Variants in RAB3GAP1 observed in about 807,000 individuals in gnomAD.
RAB3GAP1 encodes RAB3 GTPase activating protein catalytic subunit 1.
In RAB3GAP1, 86 loss-of-function variants were observed where a neutral mutation model predicts 130.7. The ratio of observed to expected loss-of-function variants is 0.66; its 90% confidence interval spans 0.55 to 0.79. The LOEUF (loss-of-function observed/expected upper bound fraction) is 0.79. RAB3GAP1 is among the 30% of genes least tolerant of loss of function. RAB3GAP1 has a pLI of 0.00. For synonymous variants in RAB3GAP1, 367 were observed against 401.7 expected (o/e 0.91, Z 1.03); for missense variants, 1,029 against 1,169.4 (o/e 0.88, Z 1.75).
intron 8 of RAB3GAP1, among the ~76,000 whole-genome samples, chr2:135,122,092 C>CA (rs373058587): frequency 0.048 from 6,645 of 138,580 alleles, 488 homozygotes; most frequent in African/African-American, 0.17. Flanking sequence ...GACCCTGTCT[C>CA]AAAAAAAAAA....
intron 7 of RAB3GAP1, among the ~76,000 whole-genome samples, chr2:135,117,684 GCTTCTTCTT>G (rs1301572096): frequency 2.5e-3 from 58 of 22,746 alleles, no homozygotes; most frequent in African/African-American, 8.9e-3. Context: ...TTCTGCTTCT[GCTTCTTCTT>G]CTGCTTCTTC....
rs375273214 is a variant in RAB3GAP1, at chr2:135,057,973, G to A, written c.75-38G>A. The stretch of plus-strand genomic sequence containing the variant: ...ATTACATAATAATAGGAAAAAAGGT[G>A]TGCTGTTGTATTTAGAAGCTTTCTC... On this transcript the variant is annotated intron_variant, in intron 2 of 23. Transcript: ENST00000264158. 1.4e-5 allele frequency: 19 copies of A among 1,370,236 alleles called. No individual in the cohort carries two copies. In the Admixed American group the frequency reaches 2.0e-4, roughly 15 times the overall value. 84.9% of individuals were successfully genotyped at this position (1,370,236 alleles called of 1,614,324 possible).
intron 3 of RAB3GAP1, among the ~76,000 whole-genome samples, chr2:135,090,250 T>C (rs1348068585): frequency 6.6e-6 from 1 of 152,188 alleles, no homozygotes; most frequent in African/African-American, 2.4e-5. Flanking sequence ...TATATAAAAA[T>C]TCAGATGTTT....
At position 135,156,965 on chromosome 2, in the gene RAB3GAP1, A is replaced by T. The variant is rs372808079; in HGVS notation, c.2289+3089A>T. Among the ~76,000 whole-genome samples, 14 of 152,332 alleles carry T rather than the reference A, an allele frequency of 9.2e-5. No homozygotes were observed. In the South Asian group the frequency reaches 2.1e-3, roughly 23 times the overall value. ...TCAGTAGCATTCATATACACTAATAACCATTTAGAAGATCTAAATATAATT... is the reference window on the plus strand; with the variant it reads ...TCAGTAGCATTCATATACACTAATATCCATTTAGAAGATCTAAATATAATT... On this transcript the variant is annotated intron_variant, in intron 19 of 23. Transcript: ENST00000264158.
At chr2:135,072,666 C>G (rs1405326273) in intron 3 of RAB3GAP1, among the ~76,000 whole-genome samples, 1 of 152,078 alleles carries the variant, frequency 6.6e-6, no homozygotes, top group Non-Finnish European at 1.5e-5. Context: ...CTGAACATCC[C>G]TTATTTTTAA....
intron 18 of RAB3GAP1, among the ~76,000 whole-genome samples, chr2:135,151,530 T>C (rs1223412925): frequency 6.6e-6 from 1 of 152,242 alleles, no homozygotes; most frequent in Non-Finnish European, 1.5e-5. Flanking sequence ...TTACCCATCT[T>C]TTCTAAATGA....
Position 135,115,263 on chromosome 2 carries a change from A to G in RAB3GAP1, c.530A>G (p.Tyr177Cys), listed in dbSNP as rs774928954. The change falls in exon 7 of 24, where the codon TAT becomes TGT. Residue 177 changes from tyrosine (Y) to cysteine (C), a missense_variant. Transcript: ENST00000264158. ...ATTCACCACAAATGGCGAAGAATGT[A>G]TGTAGGAGAATGTCAAGGTCCTGGT... Reference protein sequence around the residue: ...VQIHHKWRRMYVGECQGPGVR... With the variant: ...VQIHHKWRRMCVGECQGPGVR... The G allele has an allele frequency of 2.5e-6, 4 of 1,613,074 alleles. No individual in the cohort carries two copies. Among genetic ancestry groups the G allele is most frequent in the African/African-American group, 2.7e-5 (2 of 75,024 alleles).
intron 5 of RAB3GAP1, among the ~76,000 whole-genome samples, chr2:135,098,567 C>G (rs967471271): frequency 6.6e-6 from 1 of 152,090 alleles, no homozygotes; most frequent in African/African-American, 2.4e-5. Context: ...GTGAAAGCAG[C>G]TGTTTATGGA....
At chr2:135,053,002 A>AT (rs1024897871) in intron 2 of RAB3GAP1, among the ~76,000 whole-genome samples, 3 of 152,016 alleles carry the variant, frequency 2.0e-5, no homozygotes, top group Admixed American at 2.0e-4. Flanking sequence ...ATTTTTATTT[A>AT]TTTTTGGAGA....
intron 19 of RAB3GAP1, among the ~76,000 whole-genome samples, chr2:135,154,553 T>C (rs368792526): frequency 6.6e-6 from 1 of 152,190 alleles, no homozygotes; most frequent in African/African-American, 2.4e-5. Context: ...GAGCTCCCAC[T>C]GCTCTCAGTC....
intron 3 of RAB3GAP1, among the ~76,000 whole-genome samples, chr2:135,081,327 A>AAAAAAAATATAT (rs1363481112): frequency 3.1e-5 from 2 of 64,070 alleles, no homozygotes; most frequent in Non-Finnish European, 4.7e-5. Flanking sequence ...AAAAAAAAAA[A>AAAAAAAATATAT]ATATATATAT....
rs773778832 is a variant in RAB3GAP1, at chr2:135,091,181, G to A, written c.283+51G>A. 89 of 1,479,046 alleles carry A rather than the reference G, an allele frequency of 6.0e-5. No individual in the cohort carries two copies. The Admixed American group carries it at 1.5e-3, about 25-fold the overall frequency. 91.6% of individuals were successfully genotyped at this position (1,479,046 alleles called of 1,614,324 possible). A position where few individuals can be genotyped will look rare whatever the true frequency, so the allele number is the denominator to read the frequency against. On this transcript the variant is annotated intron_variant, in intron 4 of 23. Transcript: ENST00000264158. The stretch of plus-strand genomic sequence containing the variant: ...TAACTTCTGATTTGTAGGAGTGGCT[G>A]TAATTTTGAATTATTAATTTAGTGT...
At chr2:135,082,593 A>G (rs542164771) in intron 3 of RAB3GAP1, among the ~76,000 whole-genome samples, 37 of 152,112 alleles carry the variant, frequency 2.4e-4, no homozygotes, top group African/African-American at 7.7e-4. Flanking sequence ...GGTGCCTGCC[A>G]CCACGCCCAG....
downstream of RAB3GAP1, among the ~76,000 whole-genome samples, chr2:135,171,070 AACTG>A (rs2105012133): frequency 6.6e-6 from 1 of 152,044 alleles, no homozygotes; most frequent in South Asian, 2.1e-4. Flanking sequence ...GGCAAAAGGT[AACTG>A]ACAGGAGGGG....
chr2:135,115,073 A>G, intron 6 of RAB3GAP1, 143 bp from the exon 7 acceptor site: 3 of 700,122 alleles, frequency 4.3e-6, no homozygotes, highest in Non-Finnish European at 7.1e-6. Context: ...TGTCTTTGTT[A>G]TACACACAAA....
In RAB3GAP1 at chr2:135,120,907, A is replaced by G. The variant is rs372760255; in HGVS notation, c.737A>G (p.Gln246Arg). ...LQDWQQYFWP[Q>R]QPPDIDALVG... Reference sequence around the variant, plus strand: ...GATTGGCAGCAGTATTTTTGGCCTCAGCAACCTCCAGGTGAGATCATTTAG... The same window carrying G: ...GATTGGCAGCAGTATTTTTGGCCTCGGCAACCTCCAGGTGAGATCATTTAG... Residue 246 changes from glutamine (Q) to arginine (R), a missense_variant, in exon 8 of 24, where the codon CAG becomes CGG. By Grantham distance (43) the Gln-to-Arg change is conservative (BLOSUM62 1). This residue lies in a region of RAB3GAP1 where 510 missense variants were observed against 532.1 expected (regional missense o/e 0.96). Transcript: ENST00000264158. 5.9e-5 allele frequency: 94 copies of G among 1,591,080 alleles called. No individual in the cohort carries two copies. Among genetic ancestry groups the G allele is most frequent in the Non-Finnish European group, 7.8e-5 (90 of 1,159,246 alleles).
At chr2:135,156,512 T>C (rs1692316311) in intron 19 of RAB3GAP1, among the ~76,000 whole-genome samples, 2 of 152,200 alleles carry the variant, frequency 1.3e-5, no homozygotes, top group African/African-American at 4.8e-5. Flanking sequence ...TAGAAGTCTG[T>C]TTATATAATT....
At chr2:135,077,698 T>C (rs997132639) in intron 3 of RAB3GAP1, among the ~76,000 whole-genome samples, 2 of 152,246 alleles carry the variant, frequency 1.3e-5, no homozygotes, top group Admixed American at 1.3e-4. Flanking sequence ...CTCCAGTTTC[T>C]ACACTGTTAT....
At chr2:135,168,094 G>A (rs1242713720) in intron 23 of RAB3GAP1, among the ~76,000 whole-genome samples, 1 of 152,136 alleles carries the variant, frequency 6.6e-6, no homozygotes, top group African/African-American at 2.4e-5. Context: ...TTTTAATTTG[G>A]CAAGTGAACC....
Sources: allele counts gnomAD v4.1 joint callset (sites outside exome capture counted in the v4.1 genomes callset), GRCh38; gene constraint gnomAD v4.1.1; regional missense constraint gnomAD v4.1.1; transcripts MANE v1.5; gene names NCBI Gene and HGNC (gene_info 2026-07-23, HGNC 2026-07-21).